MAGI2: variants seen among roughly 807,000 people sequenced by gnomAD.
The protein encoded by MAGI2 is membrane-associated guanylate kinase, WW and PDZ domain-containing protein 2.
A neutral mutation model predicts 133.3 loss-of-function variants in MAGI2; 35 were observed. That is an observed-to-expected ratio of 0.26 (90% CI 0.20 to 0.35). MAGI2 has a LOEUF of 0.35. Ranked by LOEUF, MAGI2 falls within the 10% of genes least tolerant of loss-of-function variation. The probability of loss-of-function intolerance (pLI) is 1.00; values close to 1 mark genes in which losing one functional copy is unlikely to be tolerated. For missense variants in MAGI2, 1,636 were observed against 1,863.4 expected, an observed-to-expected ratio of 0.88 and a Z score of 2.25; for synonymous variants, 729 against 710.6, an observed-to-expected ratio of 1.03 and a Z score of -0.41.
intron 2 of MAGI2, among the ~76,000 whole-genome samples, chr7:78,661,363 T>A (rs1471960599): frequency 5.4e-4 from 83 of 152,314 alleles, no homozygotes; most frequent in South Asian, 5.4e-3. Context: ...TCTGCATTTT[T>A]AACTGCCTAT....
intron 2 of MAGI2, among the ~76,000 whole-genome samples, chr7:78,830,236 T>A (rs1035790420): frequency 6.6e-6 from 1 of 152,132 alleles, no homozygotes; most frequent in Non-Finnish European, 1.5e-5. Flanking sequence ...ACTAACTTCA[T>A]TGATCTTTTG....
chr7:79,408,191 T>C (rs1845933541), intron 1 of MAGI2, among the ~76,000 whole-genome samples: 1 of 152,152 alleles, frequency 6.6e-6, no homozygotes, highest in Admixed American at 6.6e-5. Flanking sequence ...CAACAGAAAC[T>C]ATTCATGTGC....
chr7:79,225,631 T>C (rs1437470400), intron 1 of MAGI2, among the ~76,000 whole-genome samples: 1 of 152,218 alleles, frequency 6.6e-6, no homozygotes, highest in Non-Finnish European at 1.5e-5. Flanking sequence ...CAGTTAATGT[T>C]GTAATAGTTC....
At chr7:79,152,834 T>G (rs1238060273) in intron 1 of MAGI2, among the ~76,000 whole-genome samples, 2 of 152,168 alleles carry the variant, frequency 1.3e-5, no homozygotes, top group Admixed American at 6.5e-5. Flanking sequence ...TGTAGAGAAC[T>G]TTCATCTCTA....
At chr7:78,450,802 A>C (rs570800928) in intron 6 of MAGI2, among the ~76,000 whole-genome samples, 19 of 152,010 alleles carry the variant, frequency 1.2e-4, no homozygotes, top group Non-Finnish European at 2.8e-4. Context: ...CTCTTCATCT[A>C]GTTTGTTTTC....
intron 2 of MAGI2, among the ~76,000 whole-genome samples, chr7:78,773,149 A>T (rs901145019): frequency 4.6e-5 from 7 of 152,200 alleles, no homozygotes; most frequent in Non-Finnish European, 7.3e-5. Flanking sequence ...TTCTGAGAAG[A>T]CCACAGGCAG....
intron 2 of MAGI2, among the ~76,000 whole-genome samples, chr7:78,884,800 C>T (rs1044166258): frequency 2.5e-4 from 38 of 152,194 alleles, no homozygotes; most frequent in Middle Eastern, 3.4e-3. Flanking sequence ...ACTTTTCAAC[C>T]CAGCAATCCC....
At chr7:78,627,426 TACA>T (rs1808488453) in intron 2 of MAGI2, among the ~76,000 whole-genome samples, 187 bp from the exon 3 acceptor site, 1 of 152,208 alleles carries the variant, frequency 6.6e-6, no homozygotes, top group Non-Finnish European at 1.5e-5. Context: ...AAAGTAAATG[TACA>T]AAGCACTTTT....
intron 6 of MAGI2, among the ~76,000 whole-genome samples, chr7:78,466,204 CT>C (rs1483214589): frequency 6.6e-6 from 1 of 152,200 alleles, no homozygotes; most frequent in Non-Finnish European, 1.5e-5. Flanking sequence ...TATTGAGCCC[CT>C]TTTCCGATCT....
chr7:78,944,729 A>G (rs958048961), intron 2 of MAGI2, among the ~76,000 whole-genome samples: 3 of 151,126 alleles, frequency 2.0e-5, no homozygotes, highest in Non-Finnish European at 4.4e-5. Flanking sequence ...TTATTTATTT[A>G]TTTATTTATT....
At chr7:78,363,303 T>C (rs576683861) in intron 7 of MAGI2, among the ~76,000 whole-genome samples, 5 of 151,984 alleles carry the variant, frequency 3.3e-5, no homozygotes, top group Non-Finnish European at 1.5e-5. Flanking sequence ...ACCATCCTGG[T>C]TAACACGGTG....
chr7:79,248,221 A>G (rs1832959549), intron 1 of MAGI2, among the ~76,000 whole-genome samples: 1 of 152,210 alleles, frequency 6.6e-6, no homozygotes, highest in Admixed American at 6.5e-5. Context: ...ATCTATATTT[A>G]TGTCAGACCA....
intron 3 of MAGI2, among the ~76,000 whole-genome samples, chr7:78,556,068 A>G (rs753879084): frequency 2.0e-5 from 3 of 152,204 alleles, no homozygotes; most frequent in Non-Finnish European, 4.4e-5. Context: ...CTCTTCAATC[A>G]TAATGCCCTA....
chr7:78,184,844 A>G (rs1827532378), intron 13 of MAGI2, among the ~76,000 whole-genome samples: 1 of 152,226 alleles, frequency 6.6e-6, no homozygotes, highest in South Asian at 2.1e-4. Context: ...CTAATTTAAA[A>G]TCTTATTGAA....
intron 3 of MAGI2, among the ~76,000 whole-genome samples, chr7:78,625,962 G>T (rs892349727): frequency 6.6e-6 from 1 of 152,144 alleles, no homozygotes; most frequent in Non-Finnish European, 1.5e-5. Context: ...TGATGAAATA[G>T]CCTAACCATG....
chr7:78,879,436 C>A (rs140339003), intron 2 of MAGI2, among the ~76,000 whole-genome samples: 1 of 151,970 alleles, frequency 6.6e-6, no homozygotes, highest in African/African-American at 2.4e-5. Flanking sequence ...CAGAACCCAA[C>A]GTAAAACTGG....
At chr7:78,298,212 G>C (rs1797482703) in intron 9 of MAGI2, among the ~76,000 whole-genome samples, 1 of 152,012 alleles carries the variant, frequency 6.6e-6, no homozygotes, top group Admixed American at 6.5e-5. Context: ...GAATTGTCAA[G>C]GTCATCAAAA....
At chr7:78,779,102 G>A (rs1049579137) in intron 2 of MAGI2, among the ~76,000 whole-genome samples, 8 of 152,024 alleles carry the variant, frequency 5.3e-5, no homozygotes, top group African/African-American at 1.9e-4. Flanking sequence ...TAGAGGCGGA[G>A]TTTCAATGTT....
intron 1 of MAGI2, among the ~76,000 whole-genome samples, chr7:79,126,243 T>A (rs1820397434): frequency 6.6e-6 from 1 of 152,220 alleles, no homozygotes; most frequent in Non-Finnish European, 1.5e-5. Context: ...AGGCAGACAC[T>A]ATTTCGTTTC....
Sources: gnomAD v4.1 joint callset for allele counts (sites outside exome capture counted in the v4.1 genomes callset) on GRCh38, gnomAD v4.1.1 for gene constraint, MANE v1.5 for transcripts, NCBI Gene and HGNC (gene_info 2026-07-23, HGNC 2026-07-21) for gene names.